The following YIPF1 variants were observed in gnomAD, a reference collection of about 807,000 sequenced individuals.
The protein encoded by YIPF1 is protein YIPF1.
A neutral mutation model predicts 37.0 loss-of-function variants in YIPF1; 22 were observed. That is an observed-to-expected ratio of 0.59 (90% CI 0.42 to 0.85). YIPF1 has a LOEUF of 0.85. YIPF1 is among the 40% of genes least tolerant of loss of function. YIPF1 has a pLI of 0.00. For synonymous variants in YIPF1, 128 were observed against 131.9 expected (o/e 0.97, Z 0.21); for missense variants, 355 against 373.1 (o/e 0.95, Z 0.40).
At chr1:53,869,922 G>C (rs527938054) in intron 7 of YIPF1, among the ~76,000 whole-genome samples, 2 of 144,874 alleles carry the variant, frequency 1.4e-5, no homozygotes, top group Admixed American at 7.0e-5. Flanking sequence ...GCCCAGGCTA[G>C]AGTGCAGTAG....
At chr1:53,858,119 G>A (rs1462587662) in intron 10 of YIPF1, among the ~76,000 whole-genome samples, 1 of 152,170 alleles carries the variant, frequency 6.6e-6, no homozygotes, top group Non-Finnish European at 1.5e-5. Flanking sequence ...AATGAGGAGG[G>A]AAGCCCATGC....
At chr1:53,870,663 G>A (rs1178756855) in intron 7 of YIPF1, among the ~76,000 whole-genome samples, 3 of 152,068 alleles carry the variant, frequency 2.0e-5, no homozygotes, top group African/African-American at 7.2e-5. Context: ...ATGCCACACA[G>A]GAGACCTTCA....
intron 3 of YIPF1, among the ~76,000 whole-genome samples, chr1:53,888,025 A>C (rs1001453415): frequency 6.6e-6 from 1 of 152,200 alleles, no homozygotes; most frequent in Non-Finnish European, 1.5e-5. Context: ...CAGAAGTTCG[A>C]GACCAGCCTG....
Position 53,886,972 on chromosome 1 carries a change from C to A in YIPF1, c.31+1935G>T, listed in dbSNP as rs1033453582. ...ATAGGAAGAACCGTGACAGCCCATG[C>A]AGCTTGGGCAGAGACAGAAAGGACG... On this transcript the variant is annotated intron_variant, in intron 3 of 10. Coordinates refer to ENST00000072644, the MANE Select transcript of YIPF1 (RefSeq NM_018982.5). Among the ~76,000 whole-genome samples, 7 of 151,936 alleles carry A rather than the reference C, an allele frequency of 4.6e-5. 1 individual carries two copies. The highest frequency in any genetic ancestry group is 1.7e-4 in the African/African-American group (7 of 41,212).
chr1:53,861,076 C>T (rs889914953), intron 9 of YIPF1, among the ~76,000 whole-genome samples: 4 of 152,208 alleles, frequency 2.6e-5, no homozygotes, highest in African/African-American at 2.4e-5. Flanking sequence ...GAAGGGGGCA[C>T]CAACACAACA....
chr1:53,862,562 T>A lies in YIPF1; in HGVS notation c.832-2409A>T, dbSNP rs79064245. Among the ~76,000 whole-genome samples the A allele has an allele frequency of 2.2e-3, 341 of 152,282 alleles. 1 individual carries two copies. Among genetic ancestry groups the A allele is most frequent in the African/African-American group, 6.7e-3 (278 of 41,556 alleles). On this transcript the variant is annotated intron_variant, in intron 9 of 10. Coordinates refer to ENST00000072644, the MANE Select transcript of YIPF1 (RefSeq NM_018982.5). ...TTGTATAACTTAGACATCATTTACATGTGCAATCACCGAGGGGTCCCTGGC... is the reference window on the plus strand; with the variant it reads ...TTGTATAACTTAGACATCATTTACAAGTGCAATCACCGAGGGGTCCCTGGC...
At chr1:53,856,031 A>C (rs1649709574) in intron 10 of YIPF1, among the ~76,000 whole-genome samples, 1 of 152,216 alleles carries the variant, frequency 6.6e-6, no homozygotes, top group Admixed American at 6.5e-5. Context: ...GAGTCCAGAG[A>C]TGACAGTAGA....
chr1:53,878,837 CT>C, intron 4 of YIPF1, 115 bp from the exon 5 acceptor site: 1 of 887,638 alleles, frequency 1.1e-6, no homozygotes, highest in African/African-American at 1.8e-5. Context: ...AAACAATAGG[CT>C]CTTCCACATT....
chr1:53,882,193 C>T (rs1437667166), intron 4 of YIPF1, among the ~76,000 whole-genome samples: 1 of 152,048 alleles, frequency 6.6e-6, no homozygotes, highest in African/African-American at 2.4e-5. Flanking sequence ...GGGGGAGCAT[C>T]AGGAAGAAGA....
intron 4 of YIPF1, among the ~76,000 whole-genome samples, chr1:53,881,547 T>C (rs1165226709): frequency 1.3e-5 from 2 of 152,022 alleles, no homozygotes. Context: ...CATTAAAAAG[T>C]GGGCAAGGGA....
intron 10 of YIPF1, 54 bp downstream of exon 10, chr1:53,860,002 C>T (rs1179528602): frequency 2.6e-6 from 4 of 1,566,040 alleles, no homozygotes; most frequent in African/African-American, 1.4e-5. Context: ...AGAATTGATA[C>T]ACCTGCCCAT....
intron 9 of YIPF1, among the ~76,000 whole-genome samples, chr1:53,863,019 G>A (rs958551539): frequency 3.3e-5 from 5 of 152,254 alleles, no homozygotes; most frequent in Admixed American, 3.3e-4. Flanking sequence ...GGCATGATGG[G>A]CCCCTGGCTA....
chr1:53,884,411 T>A (rs1650586189), intron 3 of YIPF1, among the ~76,000 whole-genome samples: 1 of 152,214 alleles, frequency 6.6e-6, no homozygotes, highest in Admixed American at 6.5e-5. Context: ...TGCCAAGTAC[T>A]GATCTAGAAC....
At chr1:53,869,807 A>AG (rs1213401485) in intron 7 of YIPF1, among the ~76,000 whole-genome samples, 1 of 151,940 alleles carries the variant, frequency 6.6e-6, no homozygotes, top group African/African-American at 2.4e-5. Flanking sequence ...GCCCATCCCT[A>AG]GGACACATTC....
chr1:53,878,371 G>A lies in YIPF1; in HGVS notation c.308C>T (p.Pro103Leu). Residue 103 changes from proline (P) to leucine (L), a missense_variant, in exon 6 of 11, where the codon CCA becomes CTA. Pro to Leu is a moderately conservative substitution (Grantham distance 98). Coordinates refer to ENST00000072644, the MANE Select transcript of YIPF1 (RefSeq NM_018982.5). ...CCTCACAAAGTTTTTCCCGGGTATT[G>A]GCAAAAGAGATCCTTTAATTCTGTC... ...VFDRIKGSLL[P>L]IPGKNFVRLY... The A allele has an allele frequency of 6.2e-7, 1 of 1,614,062 alleles. No homozygotes were observed. Among genetic ancestry groups the A allele is most frequent in the African/African-American group, 1.3e-5 (1 of 75,022 alleles).
intron 4 of YIPF1, among the ~76,000 whole-genome samples, chr1:53,879,469 A>G (rs1282724937): frequency 2.6e-5 from 4 of 151,866 alleles, no homozygotes; most frequent in Non-Finnish European, 5.9e-5. Context: ...AAAATCTGAT[A>G]TATTGACTCA....
chr1:53,878,183 T>C (rs1650383490), intron 6 of YIPF1, 132 bp downstream of exon 6: 2 of 815,650 alleles, frequency 2.5e-6, no homozygotes, highest in African/African-American at 3.4e-5. Flanking sequence ...CAAGGGTTGC[T>C]ACTGAAGTTC....
intron 3 of YIPF1, among the ~76,000 whole-genome samples, chr1:53,887,128 C>T (rs1650675737): frequency 6.6e-6 from 1 of 151,892 alleles, no homozygotes; most frequent in African/African-American, 2.4e-5. Flanking sequence ...GCTCTGTCGC[C>T]CAGGCTGGAG....
rs1650027252 is a variant in YIPF1, at chr1:53,866,444, A to G, written c.649-62T>C. Reference sequence around the variant, plus strand: ...GGAGGCATTTGTTCATTCCAGGCACATATGTTTACAAAGGCCCCTGAGCCA... The same window carrying G: ...GGAGGCATTTGTTCATTCCAGGCACGTATGTTTACAAAGGCCCCTGAGCCA... On this transcript the variant is annotated intron_variant, in intron 8 of 10. Coordinates refer to ENST00000072644, the MANE Select transcript of YIPF1 (RefSeq NM_018982.5). 12 of 1,552,134 alleles carry G rather than the reference A, an allele frequency of 7.7e-6. 1 individual carries two copies. The highest frequency in any genetic ancestry group is 2.1e-4 in the Middle Eastern group (1 of 4,724).
Sources: gnomAD v4.1 joint callset for allele counts (sites outside exome capture counted in the v4.1 genomes callset) on GRCh38, gnomAD v4.1.1 for gene constraint, MANE v1.5 for transcripts, NCBI Gene and HGNC (gene_info 2026-07-23, HGNC 2026-07-21) for gene names.